Variants in NCAM1 observed in about 807,000 individuals in gnomAD.
The protein encoded by NCAM1 is antigen recognized by monoclonal antibody 5.1H11.
A neutral mutation model predicts 109.8 loss-of-function variants in NCAM1; 14 were observed. The ratio of observed to expected loss-of-function variants is 0.13; its 90% confidence interval spans 0.08 to 0.20. The LOEUF is 0.20. Ranked by LOEUF, NCAM1 falls within the 10% of genes least tolerant of loss-of-function variation. NCAM1 has a pLI of 1.00. For synonymous variants in NCAM1, 418 were observed against 442.9 expected, an observed-to-expected ratio of 0.94 and a Z score of 0.70; for missense variants, 774 against 1,109.9, an observed-to-expected ratio of 0.70 and a Z score of 4.30.
chr11:113,165,434 C>T (rs1942757831), intron 1 of NCAM1, among the ~76,000 whole-genome samples: 1 of 152,068 alleles, frequency 6.6e-6, no homozygotes, highest in Non-Finnish European at 1.5e-5. Flanking sequence ...AGGCCTTCTG[C>T]TTGTCTTACA....
chr11:113,091,271 C>G (rs1218444459), intron 1 of NCAM1, among the ~76,000 whole-genome samples: 1 of 151,874 alleles, frequency 6.6e-6, no homozygotes, highest in Non-Finnish European at 1.5e-5. Flanking sequence ...TTATCATACC[C>G]TGCTGCCTCC....
At chr11:113,112,532 G>A (rs576502403) in intron 1 of NCAM1, among the ~76,000 whole-genome samples, 64 of 152,222 alleles carry the variant, frequency 4.2e-4, no homozygotes, top group Non-Finnish European at 8.5e-4. Flanking sequence ...CCGTGCCACC[G>A]TGTTTCCCAT....
intron 1 of NCAM1, among the ~76,000 whole-genome samples, chr11:113,040,033 C>G (rs782103818): frequency 1.3e-5 from 2 of 151,912 alleles, no homozygotes; most frequent in Non-Finnish European, 2.9e-5. Flanking sequence ...CCCAGCTACT[C>G]GGGAGGCTGA....
intron 1 of NCAM1, among the ~76,000 whole-genome samples, chr11:112,999,164 C>T (rs564600212): frequency 6.6e-6 from 1 of 152,184 alleles, no homozygotes; most frequent in East Asian, 1.9e-4. Flanking sequence ...TATAGGCCTC[C>T]CTCTGATATT....
chr11:113,109,815 T>C (rs1555093279), intron 1 of NCAM1, among the ~76,000 whole-genome samples: 1 of 152,146 alleles, frequency 6.6e-6, no homozygotes, highest in East Asian at 1.9e-4. Flanking sequence ...GATGAGCTTT[T>C]TAGTCAAAGG....
chr11:113,013,580 A>C (rs1555074854), intron 1 of NCAM1, among the ~76,000 whole-genome samples: 1 of 152,170 alleles, frequency 6.6e-6, no homozygotes, highest in East Asian at 1.9e-4. Flanking sequence ...TAGCAGTATC[A>C]ACTAGTCTTG....
At chr11:113,065,912 G>GAAGT (rs1555084145) in intron 1 of NCAM1, among the ~76,000 whole-genome samples, 2 of 152,174 alleles carry the variant, frequency 1.3e-5, no homozygotes, top group Non-Finnish European at 2.9e-5. Flanking sequence ...GCGAGTTGAT[G>GAAGT]AAGTGTATGT....
intron 1 of NCAM1, among the ~76,000 whole-genome samples, chr11:113,182,772 C>CG (rs1565484082): frequency 6.6e-6 from 1 of 152,140 alleles, no homozygotes; most frequent in East Asian, 1.9e-4. Flanking sequence ...GACTGGGGAG[C>CG]GGGGCTGCAA....
chr11:113,139,963 T>C (rs1236983839), intron 1 of NCAM1, among the ~76,000 whole-genome samples: 1 of 152,106 alleles, frequency 6.6e-6, no homozygotes, highest in East Asian at 1.9e-4. Context: ...CATCTTAGAG[T>C]TAGAAATTCC....
rs1382104496 is a variant in NCAM1, at chr11:113,077,249, A to G, written c.52+115585A>G. Reference sequence around the variant, plus strand: ...ATGGAGATATATAGAGGGAGAAATTACTAGTTTTCCAAGGGAGTCCGTCAG... The same window carrying G: ...ATGGAGATATATAGAGGGAGAAATTGCTAGTTTTCCAAGGGAGTCCGTCAG... On this transcript the variant is annotated intron_variant, in intron 1 of 19. Coordinates refer to ENST00000316851, the MANE Select transcript of NCAM1 (RefSeq NM_181351.5). Among the ~76,000 whole-genome samples the G allele has an allele frequency of 2.0e-5, 3 of 152,174 alleles. No homozygotes were observed. In the East Asian group the frequency reaches 5.8e-4, roughly 29 times the overall value.
intron 1 of NCAM1, among the ~76,000 whole-genome samples, chr11:113,146,752 G>T (rs1197003699): frequency 6.6e-6 from 1 of 152,162 alleles, no homozygotes; most frequent in Non-Finnish European, 1.5e-5. Flanking sequence ...CCTAGCGAAG[G>T]CTTTGTGGGA....
intron 1 of NCAM1, among the ~76,000 whole-genome samples, chr11:113,189,938 A>T (rs17115095): frequency 1.3e-5 from 2 of 151,918 alleles, no homozygotes; most frequent in Non-Finnish European, 2.9e-5. Flanking sequence ...AATTTGTATG[A>T]CTTATTAGCA....
rs1440414363 is a variant in NCAM1, at chr11:113,167,795, A to G, written c.53-34584A>G. ...ATTCCTGGCACTCTGCCAGGTTGGCAGGCGGACTTTTCTAGAATGGATCCA... is the reference window on the plus strand; with the variant it reads ...ATTCCTGGCACTCTGCCAGGTTGGCGGGCGGACTTTTCTAGAATGGATCCA... On this transcript the variant is annotated intron_variant, in intron 1 of 19. Coordinates refer to ENST00000316851, the MANE Select transcript of NCAM1 (RefSeq NM_181351.5). Among the ~76,000 whole-genome samples the G allele has an allele frequency of 3.3e-5, 5 of 152,306 alleles. No individual in the cohort carries two copies. The South Asian group carries it at 1.0e-3, about 32-fold the overall frequency.
At chr11:113,242,868 T>C in intron 14 of NCAM1, 1 of 1,613,942 alleles carries the variant, frequency 6.2e-7, no homozygotes, top group South Asian at 1.1e-5. Flanking sequence ...GCTGAGTTGC[T>C]CTCGGCCAGA....
chr11:113,243,920 A>G (rs1565525498), intron 14 of NCAM1: 1 of 177,474 alleles, frequency 5.6e-6, no homozygotes, highest in Non-Finnish European at 1.2e-5. Flanking sequence ...GAACACAGCT[A>G]AGGGTCTGCT....
intron 17 of NCAM1, chr11:113,263,578 G>A (rs781978315): frequency 6.1e-6 from 6 of 985,610 alleles, no homozygotes; most frequent in Non-Finnish European, 7.2e-6. Flanking sequence ...TTCAGTCCTC[G>A]TATTACGGCC....
At chr11:113,149,024 C>T (rs1288374524) in intron 1 of NCAM1, among the ~76,000 whole-genome samples, 4 of 152,204 alleles carry the variant, frequency 2.6e-5, no homozygotes, top group Non-Finnish European at 4.4e-5. Flanking sequence ...CAAAGTGGAA[C>T]ATCACTTTCT....
intron 1 of NCAM1, among the ~76,000 whole-genome samples, chr11:113,047,875 A>G (rs1591280737): frequency 6.6e-6 from 1 of 151,768 alleles, no homozygotes; most frequent in Admixed American, 6.6e-5. Context: ...TGATTAAATT[A>G]CCCCCCACTG....
intron 16 of NCAM1, 151 bp from the exon 17 acceptor site, chr11:113,259,995 G>A (rs899301113): frequency 2.5e-5 from 16 of 643,028 alleles, no homozygotes; most frequent in East Asian, 2.4e-4. Flanking sequence ...ATGAGCCACC[G>A]CGCCCACCCC....
Sources: gnomAD v4.1 joint callset for allele counts (sites outside exome capture counted in the v4.1 genomes callset) on GRCh38, gnomAD v4.1.1 for gene constraint, MANE v1.5 for transcripts, NCBI Gene and HGNC (gene_info 2026-07-23, HGNC 2026-07-21) for gene names.